NPAS3: variants seen among roughly 807,000 people sequenced by gnomAD.
NPAS3 encodes neuronal PAS domain-containing protein 3.
In NPAS3, 14 loss-of-function variants were observed where a neutral mutation model predicts 73.1. The observed-to-expected ratio is 0.19, with a 90% CI of 0.13 to 0.30. NPAS3 has a LOEUF of 0.30. Ranked by LOEUF, NPAS3 falls within the 10% of genes least tolerant of loss-of-function variation. The pLI is 1.00. For missense variants in NPAS3, 1,096 were observed against 1,250.0 expected, an observed-to-expected ratio of 0.88 and a Z score of 1.86; for synonymous variants, 620 against 541.5, an observed-to-expected ratio of 1.14 and a Z score of -2.01.
At chr14:33,250,227 G>T (rs1009386936) in intron 3 of NPAS3, among the ~76,000 whole-genome samples, 2 of 151,970 alleles carry the variant, frequency 1.3e-5, no homozygotes, top group African/African-American at 4.8e-5. Flanking sequence ...GAACTTAATT[G>T]ACAATTTCTT....
At chr14:33,591,630 T>C (rs541724963) in intron 5 of NPAS3, among the ~76,000 whole-genome samples, 22 of 152,212 alleles carry the variant, frequency 1.4e-4, no homozygotes, top group Non-Finnish European at 2.6e-4. Context: ...TTCTCACAAC[T>C]GAATTCTTAT....
chr14:33,399,247 G>A (rs1020339286), intron 4 of NPAS3, among the ~76,000 whole-genome samples: 2 of 152,098 alleles, frequency 1.3e-5, no homozygotes, highest in Non-Finnish European at 2.9e-5. Context: ...TTTCATTAGT[G>A]AGAATGAACT....
chr14:33,127,696 G>A (rs2043481111), intron 2 of NPAS3, among the ~76,000 whole-genome samples: 1 of 152,130 alleles, frequency 6.6e-6, no homozygotes, highest in Non-Finnish European at 1.5e-5. Flanking sequence ...AGTTTCTGGA[G>A]TTCTCATTGT....
At chr14:32,966,384 GA>G (rs2139269994) in intron 1 of NPAS3, among the ~76,000 whole-genome samples, 1 of 152,252 alleles carries the variant, frequency 6.6e-6, no homozygotes, top group Non-Finnish European at 1.5e-5. Context: ...AGAGAAGCTA[GA>G]AATGAATCCA....
intron 3 of NPAS3, among the ~76,000 whole-genome samples, chr14:33,308,531 T>TACACACACACACACACAC (rs550021518): frequency 7.8e-5 from 9 of 115,990 alleles, no homozygotes; most frequent in African/African-American, 3.6e-4. Flanking sequence ...TATATATACA[T>TACACACACACACACACAC]ACACACACAC....
At chr14:33,143,448 G>A (rs1053765260) in intron 2 of NPAS3, among the ~76,000 whole-genome samples, 8 of 151,774 alleles carry the variant, frequency 5.3e-5, no homozygotes, top group Admixed American at 6.6e-5. Context: ...CCGAGATTGC[G>A]CCACTGCACT....
intron 1 of NPAS3, among the ~76,000 whole-genome samples, chr14:32,982,809 C>T (rs928921453): frequency 6.6e-6 from 1 of 152,160 alleles, no homozygotes; most frequent in Non-Finnish European, 1.5e-5. Flanking sequence ...CTCAATTTCC[C>T]CGGTTGCTAA....
chr14:33,498,933 AGAGTGTGTGTGTGTGTGTGT>A lies in NPAS3; in HGVS notation c.469-61186_469-61167del, dbSNP rs1379335458. On this transcript the variant is annotated intron_variant, in intron 4 of 11. Coordinates refer to ENST00000356141, the Ensembl canonical transcript of NPAS3. The stretch of plus-strand genomic sequence containing the variant: ...ATGAATGAGAGAGAGAGACAGAGAG[AGAGTGTGTGTGTGTGTGTGT>A]GTGTGTGTGTGTGTGTGTGTGTGTG... Among the ~76,000 whole-genome samples, 515 of 76,998 alleles carry A rather than the reference AGAGTGTGTGTGTGTGTGTGT, an allele frequency of 6.7e-3. 3 individuals are homozygous for A. Among genetic ancestry groups the A allele is most frequent in the African/African-American group, 0.027 (487 of 18,206 alleles). 50.5% of individuals were successfully genotyped at this position (76,998 alleles called of 152,430 possible).
intron 1 of NPAS3, among the ~76,000 whole-genome samples, chr14:32,979,190 A>G (rs1327644410): frequency 1.3e-5 from 2 of 152,140 alleles, no homozygotes; most frequent in African/African-American, 2.4e-5. Context: ...AATAGTTATT[A>G]TTCTGATTAT....
intron 2 of NPAS3, among the ~76,000 whole-genome samples, chr14:33,122,708 A>C (rs1290203): frequency 1.3e-5 from 2 of 151,778 alleles, no homozygotes; most frequent in Non-Finnish European, 2.9e-5. Flanking sequence ...TACAGGTTTC[A>C]CTCTTAACAC....
At chr14:33,428,505 A>G (rs1389296602) in intron 4 of NPAS3, among the ~76,000 whole-genome samples, 1 of 152,106 alleles carries the variant, frequency 6.6e-6, no homozygotes, top group Admixed American at 6.6e-5. Context: ...GTAAATTACA[A>G]GGTTGCTAAT....
rs180796627 is a variant in NPAS3 at position 33,575,075 on chromosome 14, T to C, written c.558+14865T>C. On this transcript the variant is annotated intron_variant, in intron 5 of 11. Transcript: ENST00000356141. ...AAGGCAAGAATAATTCTAACTCTTT[T>C]CTACCAAACACGTTAGGAGGTCCTG... 2.4e-3 allele frequency among the ~76,000 whole-genome samples: 369 copies of C among 152,316 alleles called. 4 individuals are homozygous for C. The highest frequency in any genetic ancestry group is 9.0e-4 in the Non-Finnish European group (61 of 68,026).
chr14:33,536,517 G>C (rs2140215510), intron 4 of NPAS3, among the ~76,000 whole-genome samples: 1 of 152,230 alleles, frequency 6.6e-6, no homozygotes, highest in Middle Eastern at 3.4e-3. Flanking sequence ...CTAATACGAA[G>C]AAGTGTTTCC....
intron 4 of NPAS3, among the ~76,000 whole-genome samples, chr14:33,430,162 C>A (rs372934530): frequency 5.3e-5 from 8 of 152,248 alleles, no homozygotes; most frequent in African/African-American, 1.9e-4. Flanking sequence ...CTCTTGCAAG[C>A]ACTTAGATCA....
intron 5 of NPAS3, among the ~76,000 whole-genome samples, chr14:33,592,919 T>C (rs2057118074): frequency 6.6e-6 from 1 of 152,188 alleles, no homozygotes; most frequent in Non-Finnish European, 1.5e-5. Flanking sequence ...AGTAACTCAC[T>C]CAGTGCTGTG....
At chr14:33,466,483 C>G (rs181514543) in intron 4 of NPAS3, among the ~76,000 whole-genome samples, 1 of 152,268 alleles carries the variant, frequency 6.6e-6, no homozygotes, top group East Asian at 1.9e-4. Flanking sequence ...AATTGTATGC[C>G]TTTTGAGAAG....
At chr14:33,259,842 AAGC>A (rs1478094769) in intron 3 of NPAS3, among the ~76,000 whole-genome samples, 10 of 128,104 alleles carry the variant, frequency 7.8e-5, no homozygotes, top group African/African-American at 2.9e-4. Flanking sequence ...AATAAATAAT[AAGC>A]AGCAGCAGCA....
Position 33,736,214 on chromosome 14 carries a change from G to A in NPAS3, c.852+882G>A, listed in dbSNP as rs560204165. ...TTCAGTTCTTTAAGGCGACTGCTGT[G>A]TTATCGCGGATGGTAACAGCCAGTA... is the stretch of plus-strand genomic sequence containing the variant. On this transcript the variant is annotated intron_variant, in intron 7 of 11. Coordinates refer to ENST00000356141, the Ensembl canonical transcript of NPAS3. 4.6e-5 allele frequency among the ~76,000 whole-genome samples: 7 copies of A among 152,332 alleles called. No individual in the cohort carries two copies. The East Asian group carries it at 1.2e-3, about 25-fold the overall frequency.
intron 1 of NPAS3, among the ~76,000 whole-genome samples, chr14:32,960,725 A>G (rs1462323196): frequency 6.6e-6 from 1 of 152,224 alleles, no homozygotes; most frequent in Non-Finnish European, 1.5e-5. Context: ...TTCATAGTGC[A>G]TATATACTTA....
Sources: gnomAD v4.1 joint callset for allele counts (sites outside exome capture counted in the v4.1 genomes callset) on GRCh38, gnomAD v4.1.1 for gene constraint, MANE v1.5 for transcripts, NCBI Gene and HGNC (gene_info 2026-07-23, HGNC 2026-07-21) for gene names.